The following CDH13 variants were observed in gnomAD, a reference collection of about 807,000 sequenced individuals.
CDH13 encodes the protein cadherin 13.
CDH13 carries 24 observed loss-of-function variants against 63.8 expected under a neutral mutation model. The observed-to-expected ratio is 0.38, with a 90% CI of 0.27 to 0.53. The LOEUF (loss-of-function observed/expected upper bound fraction) is 0.53. Ranked by LOEUF, CDH13 falls within the 20% of genes least tolerant of loss-of-function variation. CDH13 has a pLI of 0.85. For synonymous variants in CDH13, 503 were observed against 355.3 expected, an observed-to-expected ratio of 1.42 and a Z score of -4.67; for missense variants, 1,049 against 903.1, an observed-to-expected ratio of 1.16 and a Z score of -2.07.
At chr16:83,242,551 T>C (rs1317561360) in intron 5 of CDH13, among the ~76,000 whole-genome samples, 3 of 152,078 alleles carry the variant, frequency 2.0e-5, no homozygotes, top group Non-Finnish European at 4.4e-5. Flanking sequence ...GCTTATAGGG[T>C]GACATACAGG....
In CDH13 at chr16:83,066,270, A is replaced by G. The variant is rs147960755; in HGVS notation, c.366+34052A>G. 1.2e-3 allele frequency among the ~76,000 whole-genome samples: 186 copies of G among 152,334 alleles called. 2 individuals carry two copies. Among genetic ancestry groups the G allele is most frequent in the Admixed American group, 2.3e-3 (35 of 15,292 alleles). The stretch of plus-strand genomic sequence containing the variant: ...GAATCAGTTTCTCAATTTGCATGAG[A>G]TACGGGAGCTTCCTAAGACATGAGA... On this transcript the variant is annotated intron_variant, in intron 3 of 13. Transcript: ENST00000567109.
intron 1 of CDH13, among the ~76,000 whole-genome samples, chr16:82,669,403 G>A (rs1912976378): frequency 6.6e-6 from 1 of 152,186 alleles, no homozygotes; most frequent in African/African-American, 2.4e-5. Flanking sequence ...CATTGATAAA[G>A]TCTACAGAGA....
chr16:82,749,697 C>T (rs970112467), intron 1 of CDH13, among the ~76,000 whole-genome samples: 10 of 152,100 alleles, frequency 6.6e-5, no homozygotes, highest in South Asian at 4.1e-4. Flanking sequence ...TTAAACTTAA[C>T]GTATTATAAA....
intron 7 of CDH13, among the ~76,000 whole-genome samples, chr16:83,541,953 C>T (rs1374122423): frequency 6.6e-6 from 1 of 152,314 alleles, no homozygotes; most frequent in South Asian, 2.1e-4. Context: ...TAGCAAGTGT[C>T]CAGCATTTGG....
intron 8 of CDH13, among the ~76,000 whole-genome samples, chr16:83,667,451 C>G (rs1598439626): frequency 6.6e-6 from 1 of 151,856 alleles, no homozygotes; most frequent in South Asian, 2.1e-4. Flanking sequence ...ATCCATCCAC[C>G]CATCCGTCTA....
chr16:83,100,988 T>A (rs2034447671), intron 3 of CDH13, among the ~76,000 whole-genome samples: 1 of 152,190 alleles, frequency 6.6e-6, no homozygotes, highest in African/African-American at 2.4e-5. Flanking sequence ...CATTTTTCAT[T>A]TCCTATATGA....
At chr16:83,757,672 CA>C (rs1383674179) in intron 11 of CDH13, among the ~76,000 whole-genome samples, 16 of 149,982 alleles carry the variant, frequency 1.1e-4, no homozygotes, top group Admixed American at 6.6e-4. Flanking sequence ...AACTGTTGGG[CA>C]AAAAAAGAAA....
chr16:83,162,550 G>A (rs1361088201), intron 4 of CDH13, among the ~76,000 whole-genome samples: 2 of 150,764 alleles, frequency 1.3e-5, no homozygotes, highest in Admixed American at 6.6e-5. Context: ...GTTGAACAAA[G>A]CAAGGTGTTG....
At chr16:83,336,001 C>T (rs1173515796) in intron 5 of CDH13, among the ~76,000 whole-genome samples, 3 of 151,962 alleles carry the variant, frequency 2.0e-5, no homozygotes, top group African/African-American at 7.3e-5. Context: ...CAGCTATATT[C>T]TATTACTAGA....
rs186945290 is a variant in CDH13, at chr16:83,223,490, C to T, written c.636+5993C>T. On this transcript the variant is annotated intron_variant, in intron 5 of 13. Coordinates refer to ENST00000567109, the MANE Select transcript of CDH13 (RefSeq NM_001257.5). ...GTTTTGGAGGTGACAGGCATTTCAA[C>T]CATAGCAAAGAGTCAAGGTCGCTGC... Among the ~76,000 whole-genome samples, 185 of 152,364 alleles carry T rather than the reference C, an allele frequency of 1.2e-3. 2 individuals carry two copies. Among genetic ancestry groups the T allele is most frequent in the Non-Finnish European group, 1.9e-3 (128 of 68,026 alleles).
At chr16:82,776,487 T>C (rs1172935536) in intron 1 of CDH13, among the ~76,000 whole-genome samples, 1 of 152,054 alleles carries the variant, frequency 6.6e-6, no homozygotes, top group Non-Finnish European at 1.5e-5. Flanking sequence ...CTGTAGTAAA[T>C]GGGACACAAA....
chr16:83,647,462 T>C (rs1234787833), intron 8 of CDH13, among the ~76,000 whole-genome samples: 1 of 152,194 alleles, frequency 6.6e-6, no homozygotes, highest in East Asian at 1.9e-4. Flanking sequence ...TCCATAGCAA[T>C]GATGCTAGAT....
intron 7 of CDH13, among the ~76,000 whole-genome samples, chr16:83,517,331 C>T (rs974975421): frequency 6.6e-6 from 1 of 152,182 alleles, no homozygotes; most frequent in African/African-American, 2.4e-5. Flanking sequence ...ACAAGTTAAC[C>T]CCCAAATTTT....
intron 7 of CDH13, among the ~76,000 whole-genome samples, chr16:83,516,845 T>G (rs1324377002): frequency 6.6e-6 from 1 of 152,258 alleles, no homozygotes; most frequent in East Asian, 1.9e-4. Flanking sequence ...ACAGGTGGAT[T>G]CCCACCTTGT....
At chr16:82,785,621 TATTCCATTCTAG>T (rs2035966982) in intron 1 of CDH13, among the ~76,000 whole-genome samples, 1 of 152,206 alleles carries the variant, frequency 6.6e-6, no homozygotes, top group African/African-American at 2.4e-5. Context: ...TACAATCTTG[TATTCCATTCTAG>T]AGATTTGATA....
At chr16:83,394,300 G>T (rs991277216) in intron 6 of CDH13, among the ~76,000 whole-genome samples, 4 of 152,080 alleles carry the variant, frequency 2.6e-5, no homozygotes, top group Admixed American at 6.6e-5. Context: ...AGTGGCAGGG[G>T]TGCGGTTTTC....
intron 6 of CDH13, among the ~76,000 whole-genome samples, chr16:83,416,953 T>A (rs1354399053): frequency 1.3e-5 from 2 of 152,236 alleles, no homozygotes; most frequent in Non-Finnish European, 2.9e-5. Flanking sequence ...TGTTAAGTAC[T>A]GTTTAGCTAT....
At chr16:82,998,747 A>G (rs1428508035) in intron 2 of CDH13, among the ~76,000 whole-genome samples, 3 of 152,178 alleles carry the variant, frequency 2.0e-5, no homozygotes, top group Non-Finnish European at 4.4e-5. Context: ...AATAACATAT[A>G]CATATAAGCA....
At chr16:83,333,250 G>C (rs577611768) in intron 5 of CDH13, among the ~76,000 whole-genome samples, 1 of 152,004 alleles carries the variant, frequency 6.6e-6, no homozygotes, top group Non-Finnish European at 1.5e-5. Context: ...AGTTGTTGGC[G>C]TCAGAGAGAA....
Sources: gnomAD v4.1 joint callset for allele counts (sites outside exome capture counted in the v4.1 genomes callset) on GRCh38, gnomAD v4.1.1 for gene constraint, MANE v1.5 for transcripts, NCBI Gene and HGNC (gene_info 2026-07-23, HGNC 2026-07-21) for gene names.